TRPM2: variants seen among roughly 807,000 people sequenced by gnomAD.
TRPM2 encodes transient receptor potential cation channel subfamily M member 2.
A neutral mutation model predicts 174.0 loss-of-function variants in TRPM2; 161 were observed. That is an observed-to-expected ratio of 0.93 (90% CI 0.81 to 1.05). The LOEUF is 1.05. Ranked by LOEUF, TRPM2 falls within the 50% of genes least tolerant of loss-of-function variation. The probability of loss-of-function intolerance (pLI) is 0.00; values close to 1 mark genes in which losing one functional copy is unlikely to be tolerated. For missense variants in TRPM2, 2,057 were observed against 2,038.0 expected (o/e 1.01, Z -0.18); for synonymous variants, 954 against 861.3 (o/e 1.11, Z -1.88).
At chr21:44,409,203 G>GA (rs553209552) in intron 19 of TRPM2, among the ~76,000 whole-genome samples, 56 of 152,200 alleles carry the variant, frequency 3.7e-4, no homozygotes, top group Middle Eastern at 6.8e-3. Flanking sequence ...GTGTCCTAGC[G>GA]AAAACCATTG....
chr21:44,364,585 C>T (rs1395595075), intron 3 of TRPM2, among the ~76,000 whole-genome samples: 1 of 151,972 alleles, frequency 6.6e-6, no homozygotes, highest in Non-Finnish European at 1.5e-5. Context: ...CGGCATTTGT[C>T]AGGGCCTGGG....
chr21:44,426,975 C>T (rs753401861), intron 26 of TRPM2, 35 bp from the exon 27 acceptor site: 36 of 1,548,902 alleles, frequency 2.3e-5, no homozygotes, highest in East Asian at 9.5e-5. Flanking sequence ...ACCTGCAACA[C>T]GGGCACACAG....
intron 3 of TRPM2, among the ~76,000 whole-genome samples, chr21:44,364,701 G>A (rs1040432090): frequency 2.0e-5 from 3 of 152,122 alleles, no homozygotes; most frequent in Non-Finnish European, 4.4e-5. Flanking sequence ...TGGGGGAAGG[G>A]GCCCAGGATA....
chr21:44,374,001 TTC>T (rs971618334), intron 5 of TRPM2, among the ~76,000 whole-genome samples: 11 of 151,950 alleles, frequency 7.2e-5, no homozygotes, highest in African/African-American at 1.4e-4. Flanking sequence ...AGTATATGTA[TTC>T]TCTCTCTCTC....
chr21:44,350,193 A>T (rs2047907231), upstream of TRPM2: 1 of 151,566 alleles, frequency 6.6e-6, no homozygotes, highest in Non-Finnish European at 1.5e-5. Flanking sequence ...CGCTCGGGCG[A>T]GATGTGGATG....
intron 11 of TRPM2, among the ~76,000 whole-genome samples, chr21:44,392,362 A>G (rs143268204): frequency 3.2e-4 from 48 of 151,352 alleles, no homozygotes; most frequent in African/African-American, 1.1e-3. Flanking sequence ...GGCTCAAGCA[A>G]TCCTCCTGCC....
chr21:44,382,796 G>A lies in TRPM2; in HGVS notation c.1294G>A (p.Ala432Thr). ...GKDGQQDVDV[A>T]ILQALLKASR... ...GGATGGTCAGCAGGACGTGGATGTGGCCATCTTGCAGGCCTTGCTGAAAGG... is the reference window on the plus strand; with the variant it reads ...GGATGGTCAGCAGGACGTGGATGTGACCATCTTGCAGGCCTTGCTGAAAGG... The change falls in exon 9 of 32, where the codon GCC becomes ACC. Residue 432 changes from alanine to threonine, a missense_variant. Ala to Thr is a moderately conservative substitution (Grantham distance 58, BLOSUM62 0). Coordinates refer to ENST00000397928, the MANE Select transcript of TRPM2 (RefSeq NM_003307.4). 1.9e-6 allele frequency: 3 copies of A among 1,613,782 alleles called. No homozygotes were observed. The highest frequency in any genetic ancestry group is 1.7e-6 in the Non-Finnish European group (2 of 1,179,928).
rs539786021 is a variant in TRPM2, at chr21:44,414,073, A to G, written c.3145A>G (p.Asn1049Asp). 205 of 1,609,844 alleles carry G rather than the reference A, an allele frequency of 1.3e-4. 2 individuals are homozygous for G. The South Asian group carries it at 2.2e-3, about 17-fold the overall frequency. The change falls in exon 20 of 32, where the codon AAC becomes GAC. Residue 1049 changes from asparagine (N) to aspartate (D), a missense_variant and splice_region_variant. Asn to Asp is a conservative substitution (Grantham distance 23). Coordinates refer to ENST00000397928, the MANE Select transcript of TRPM2 (RefSeq NM_003307.4). ...LLLNLLIAMFNYTFQQVQEHT... is the reference protein window; with the variant it reads ...LLLNLLIAMFDYTFQQVQEHT... ...GCTCAACCTCCTCATCGCCATGTTC[A>G]AGTGAGCGCCTGGGTGGGGCTGGCG...
chr21:44,405,289 C>G, intron 17 of TRPM2, 29 bp downstream of exon 17: 2 of 1,610,154 alleles, frequency 1.2e-6, no homozygotes, highest in Non-Finnish European at 1.7e-6. Context: ...ATGGCGGGCC[C>G]GTCTGAGGCA....
Position 44,391,233 on chromosome 21 carries a change from G to T in TRPM2, c.1441-39G>T. 2 of 1,581,284 alleles carry T rather than the reference G, an allele frequency of 1.3e-6. No homozygotes were observed. Among genetic ancestry groups the T allele is most frequent in the South Asian group, 2.3e-5 (2 of 86,734 alleles). On this transcript the variant is annotated intron_variant, in intron 10 of 31. Transcript: ENST00000397928. This position sits in a 1 kb window ranked among gnomAD's most constrained non-coding sequence, Gnocchi z 5.0. ...TGAGATCAGGATGACATGGGGTGAT[G>T]ACCAAATGCAACCGTCACTGCACAA...
intron 15 of TRPM2, among the ~76,000 whole-genome samples, chr21:44,401,345 G>A (rs554303518): frequency 6.6e-6 from 1 of 152,292 alleles, no homozygotes; most frequent in East Asian, 1.9e-4. Context: ...CTGAAGCTGG[G>A]GCCCACCCAA....
chr21:44,389,160 C>A (rs1467316410), intron 9 of TRPM2, among the ~76,000 whole-genome samples: 1 of 152,188 alleles, frequency 6.6e-6, no homozygotes, highest in African/African-American at 2.4e-5. Flanking sequence ...TAGAACTTCA[C>A]GTGAATGAAA....
At position 44,441,871 on chromosome 21, in the gene TRPM2, G is replaced by C; in HGVS notation, c.*54G>C. On this transcript the variant is annotated 3_prime_UTR_variant, in exon 32 of 32. Transcript: ENST00000397928. ...CCATAGACGTTCCCCCCAGAAACCA[G>C]GGCTTCTCTCTCCTGAGCCTGGCCA... 6.5e-7 allele frequency: 1 copy of C among 1,535,492 alleles called. No individual in the cohort carries two copies. Among genetic ancestry groups the C allele is most frequent in the Non-Finnish European group, 8.8e-7 (1 of 1,138,490 alleles).
At chr21:44,397,941 C>T (rs2049484579) in intron 13 of TRPM2, 65 bp downstream of exon 13, 1 of 1,485,186 alleles carries the variant, frequency 6.7e-7, no homozygotes, top group East Asian at 2.4e-5. Context: ...CCTGGAGTTC[C>T]CATCCCTGGG....
At position 44,391,888 on chromosome 21, in the gene TRPM2, C is replaced by G. The variant is rs891128166; in HGVS notation, c.1794+263C>G. The stretch of plus-strand genomic sequence containing the variant: ...TGGCCAGGGCCTCTTCTTGCTTGCA[C>G]GTGGCTGCCCTCTTGCTGTGTCTTC... On this transcript the variant is annotated intron_variant, in intron 11 of 31. Coordinates refer to ENST00000397928, the MANE Select transcript of TRPM2 (RefSeq NM_003307.4). The surrounding 1 kb of genome is among the most constrained non-coding windows in gnomAD (Gnocchi z 5.0). Among the ~76,000 whole-genome samples, 1 of 152,198 alleles carries G rather than the reference C, an allele frequency of 6.6e-6. No individual in the cohort carries two copies. Among genetic ancestry groups the G allele is most frequent in the Non-Finnish European group, 1.5e-5 (1 of 68,028 alleles).
chr21:44,425,737 C>T lies in TRPM2; in HGVS notation c.3705C>T (p.Gly1235=), dbSNP rs150750801. 15 of 1,583,450 alleles carry T rather than the reference C, an allele frequency of 9.5e-6. No individual in the cohort carries two copies. The highest frequency in any genetic ancestry group is 7.9e-5 in the South Asian group (7 of 88,350). Residue 1235 remains glycine, a synonymous_variant, in exon 25 of 32, where the codon GGC becomes GGT. Coordinates refer to ENST00000397928, the MANE Select transcript of TRPM2 (RefSeq NM_003307.4). ...GCAGGAAGAAGACGGAGGAGCCGGGCGACAGCTACCACGTGAATGCCCGGC... is the reference window on the plus strand; with the variant it reads ...GCAGGAAGAAGACGGAGGAGCCGGGTGACAGCTACCACGTGAATGCCCGGC... ...PGGRKKTEEP[G]DSYHVNARHL...
At chr21:44,396,882 GTGTGGAGGGC>G (rs1425685649) in intron 12 of TRPM2, among the ~76,000 whole-genome samples, 1 of 103,070 alleles carries the variant, frequency 9.7e-6, no homozygotes, top group African/African-American at 4.0e-5. Context: ...CTGTGGAGGG[GTGTGGAGGGC>G]TGTGGAGGGG....
At chr21:44,373,516 G>A (rs924400007) in intron 5 of TRPM2, among the ~76,000 whole-genome samples, 1 of 151,698 alleles carries the variant, frequency 6.6e-6, no homozygotes, top group Non-Finnish European at 1.5e-5. Context: ...TCTGCTTTTC[G>A]AACAGTGAAT....
At chr21:44,353,411 C>T (rs1237670321), upstream of TRPM2, 4 of 273,284 alleles carry the variant, frequency 1.5e-5, no homozygotes, top group Non-Finnish European at 2.7e-5. Flanking sequence ...TATGAACGGC[C>T]GCTGGGACCC....
Sources: gnomAD v4.1 joint callset for allele counts (sites outside exome capture counted in the v4.1 genomes callset) on GRCh38, gnomAD v4.1.1 for gene constraint, Gnocchi (gnomAD v3.1) non-coding constraint, MANE v1.5 for transcripts, NCBI Gene and HGNC (gene_info 2026-07-23, HGNC 2026-07-21) for gene names.